Variants in KLHL13 observed in about 807,000 individuals in gnomAD.
KLHL13 encodes kelch-like protein 13.
Under a neutral mutation model 37.1 loss-of-function variants are expected in KLHL13, and 10 were observed. The observed-to-expected ratio is 0.27, with a 90% CI of 0.17 to 0.46. The LOEUF is 0.46. Among genes scored for constraint, KLHL13 ranks in the 20% least tolerant of loss-of-function variants. KLHL13 has a pLI of 1.00. For synonymous variants in KLHL13, 163 were observed against 181.2 expected (o/e 0.90, Z 0.81); for missense variants, 360 against 509.3 (o/e 0.71, Z 2.82).
chrX:117,963,907 T>C (rs1224004627), intron 1 of KLHL13, among the ~76,000 whole-genome samples: 2 of 98,106 alleles, frequency 2.0e-5, no homozygotes, highest in Admixed American at 1.1e-4. Context: ...ATGGATGAAA[T>C]TGGAAACCAT....
At chrX:118,084,793 G>A (rs898176180) in intron 1 of KLHL13, among the ~76,000 whole-genome samples, 1 of 111,214 alleles carries the variant, frequency 9.0e-6, no homozygotes, top group African/African-American at 3.3e-5. Flanking sequence ...TTGGAAGGCC[G>A]AGGCGGATGG....
chrX:118,032,597 C>A (rs758957604), intron 1 of KLHL13, among the ~76,000 whole-genome samples: 104 of 111,780 alleles, frequency 9.3e-4, no homozygotes, highest in African/African-American at 3.3e-3. Context: ...CTGTACATCA[C>A]CATCATCAAA....
chrX:118,092,670 C>T (rs1602717055), intron 1 of KLHL13, among the ~76,000 whole-genome samples: 1 of 111,692 alleles, frequency 9.0e-6, no homozygotes, highest in East Asian at 2.8e-4. Context: ...CTTCCCCCTC[C>T]TCTTGAGTTC....
intron 1 of KLHL13, among the ~76,000 whole-genome samples, chrX:118,028,017 C>G (rs982130411): frequency 8.9e-6 from 1 of 111,819 alleles, no homozygotes; most frequent in African/African-American, 3.2e-5. Flanking sequence ...AAGGTTTTAA[C>G]TGGATTTTTA....
chrX:117,983,554 G>A, intron 1 of KLHL13: 1 of 1,124,321 alleles, frequency 8.9e-7, no homozygotes, highest in Non-Finnish European at 1.2e-6. Context: ...TCCTGAAAGT[G>A]GAGTGCAAAA....
At chrX:117,931,989 T>C (rs183499556) in intron 2 of KLHL13, among the ~76,000 whole-genome samples, 1 of 111,520 alleles carries the variant, frequency 9.0e-6, no homozygotes, top group East Asian at 2.8e-4. Flanking sequence ...ACTTTCTCTA[T>C]CCCAGGGCTA....
intron 1 of KLHL13, among the ~76,000 whole-genome samples, chrX:118,027,513 T>G (rs906629501): frequency 1.8e-5 from 2 of 109,482 alleles, no homozygotes; most frequent in African/African-American, 6.8e-5. Context: ...ACAGTTGTTT[T>G]TTATTTTTAT....
chrX:118,109,147 T>C (rs1449964007), intron 1 of KLHL13, among the ~76,000 whole-genome samples: 1 of 111,530 alleles, frequency 9.0e-6, no homozygotes, highest in Non-Finnish European at 1.9e-5. Context: ...TATCATTCCC[T>C]AGGCAGGTCC....
At chrX:118,109,266 A>C (rs1001427960) in intron 1 of KLHL13, among the ~76,000 whole-genome samples, 3 of 112,161 alleles carry the variant, frequency 2.7e-5, no homozygotes, top group African/African-American at 9.7e-5. Flanking sequence ...TGTACCCTTG[A>C]AATTGCGCAA....
chrX:117,921,923 T>G (rs750886864), intron 2 of KLHL13, among the ~76,000 whole-genome samples: 80 of 112,425 alleles, frequency 7.1e-4, no homozygotes, highest in African/African-American at 2.5e-3. Context: ...CAAGATTATA[T>G]ATCATATTTT....
rs188296223 is a variant in KLHL13 at position 117,981,204 on chromosome X, A to T, written c.-55-35629T>A. ...AAATCCTATGATGTACAACATCATT[A>T]GCACATGCCACATCAAGTGTTCATG... is the stretch of plus-strand genomic sequence containing the variant. On this transcript the variant is annotated intron_variant, in intron 1 of 6. Coordinates refer to the KLHL13 transcript ENST00000371882. Among the ~76,000 whole-genome samples, 8 of 112,400 alleles carry T rather than the reference A, an allele frequency of 7.1e-5. No individual in the cohort carries two copies. The East Asian group carries it at 2.2e-3, about 31-fold the overall frequency.
At chrX:117,978,267 C>G (rs1242240854), upstream of KLHL13, among the ~76,000 whole-genome samples, 1 of 112,199 alleles carries the variant, frequency 8.9e-6, no homozygotes, top group Non-Finnish European at 1.9e-5. Context: ...GGCACACACT[C>G]ATGTATATGC....
At chrX:117,979,515 T>C (rs1056454947) in intron 1 of KLHL13, among the ~76,000 whole-genome samples, 19 of 111,329 alleles carry the variant, frequency 1.7e-4, no homozygotes, top group East Asian at 5.6e-4. Context: ...TCCTGGCCCG[T>C]TGGAAAGCAC....
At chrX:118,047,416 A>T (rs979309936) in intron 1 of KLHL13, among the ~76,000 whole-genome samples, 1 of 112,274 alleles carries the variant, frequency 8.9e-6, no homozygotes, top group Admixed American at 9.4e-5. Context: ...AAAATAATTC[A>T]TAACACACAT....
chrX:117,984,463 T>A (rs926835318), intron 1 of KLHL13, among the ~76,000 whole-genome samples: 5 of 111,702 alleles, frequency 4.5e-5, no homozygotes, highest in Non-Finnish European at 7.5e-5. Flanking sequence ...CAAGCACTAC[T>A]GCATTATTAA....
chrX:118,039,344 G>T (rs1439415155), intron 1 of KLHL13, among the ~76,000 whole-genome samples: 1 of 112,153 alleles, frequency 8.9e-6, no homozygotes, highest in Non-Finnish European at 1.9e-5. Flanking sequence ...CCTGGCCAGA[G>T]GGGAGCCCAC....
At chrX:118,051,970 T>C (rs1164839741) in intron 1 of KLHL13, among the ~76,000 whole-genome samples, 1 of 111,067 alleles carries the variant, frequency 9.0e-6, no homozygotes, top group Non-Finnish European at 1.9e-5. Flanking sequence ...AAAATATATA[T>C]AGTAACTATT....
At position 118,089,958 on chromosome X, in the gene KLHL13, A is replaced by G. The variant is rs150483931; in HGVS notation, c.-56+26550T>C. On this transcript the variant is annotated intron_variant, in intron 1 of 6. Coordinates refer to the KLHL13 transcript ENST00000371882. ...TAGCCAGGAATGGTGGCGTGTGCCTATAGTCCCAGCTACTCAAGAGGCTGA... is the reference window on the plus strand; with the variant it reads ...TAGCCAGGAATGGTGGCGTGTGCCTGTAGTCCCAGCTACTCAAGAGGCTGA... Among the ~76,000 whole-genome samples the G allele has an allele frequency of 1.7e-3, 187 of 108,555 alleles. No individual in the cohort carries two copies. The East Asian group carries it at 0.025, about 15-fold the overall frequency. 94.3% of individuals were successfully genotyped at this position (108,555 alleles called of 115,157 possible).
chrX:118,051,165 AC>A (rs1277990361), intron 1 of KLHL13, among the ~76,000 whole-genome samples: 1 of 109,180 alleles, frequency 9.2e-6, no homozygotes, highest in African/African-American at 3.3e-5. Context: ...AAAAAATACC[AC>A]CTACCTGAGA....
Sources: allele counts gnomAD v4.1 joint callset (sites outside exome capture counted in the v4.1 genomes callset), GRCh38; gene constraint gnomAD v4.1.1; transcripts MANE v1.5; gene names NCBI Gene and HGNC (gene_info 2026-07-23, HGNC 2026-07-21).